TULP3: variants seen among roughly 807,000 people sequenced by gnomAD.
The protein encoded by TULP3 is tubby-related protein 3.
Under a neutral mutation model 50.7 loss-of-function variants are expected in TULP3, and 38 were observed. The observed-to-expected ratio is 0.75, with a 90% CI of 0.58 to 0.98. The LOEUF (loss-of-function observed/expected upper bound fraction) is 0.98. Among genes scored for constraint, TULP3 ranks in the 50% least tolerant of loss-of-function variants. The probability of loss-of-function intolerance (pLI) is 0.00; values close to 1 mark genes in which losing one functional copy is unlikely to be tolerated. For synonymous variants in TULP3, 183 were observed against 196.6 expected (o/e 0.93, Z 0.58); for missense variants, 550 against 568.0 (o/e 0.97, Z 0.32).
chr12:2,910,897 T>C (rs1229460392), intron 2 of TULP3, among the ~76,000 whole-genome samples: 2 of 152,176 alleles, frequency 1.3e-5, no homozygotes, highest in Non-Finnish European at 2.9e-5. Flanking sequence ...GCAGAGCAAA[T>C]TGTATTTAGG....
At chr12:2,921,263 C>T (rs1372266976) in intron 3 of TULP3, among the ~76,000 whole-genome samples, 1 of 152,122 alleles carries the variant, frequency 6.6e-6, no homozygotes, top group Non-Finnish European at 1.5e-5. Context: ...CCTCAACTTC[C>T]CGAGTAGCTG....
At chr12:2,894,138 CTG>C (rs901063757) in intron 1 of TULP3, among the ~76,000 whole-genome samples, 7 of 152,102 alleles carry the variant, frequency 4.6e-5, no homozygotes, top group Non-Finnish European at 1.0e-4. Flanking sequence ...GTGCTTCCCA[CTG>C]TGGTGTGACC....
rs1242162221 is a variant in TULP3, at chr12:2,909,558, G to A, written c.71G>A (p.Arg24Gln). The change falls in exon 2 of 11, where the codon CGA becomes CAA. Residue 24 changes from arginine (R) to glutamine (Q), a missense_variant. Arg to Gln is a conservative substitution (Grantham distance 43). Coordinates refer to ENST00000448120, the MANE Select transcript of TULP3 (RefSeq NM_003324.5). ...TTCCATGAAGAAATGATGAAGATGC[G>A]ACAGGCTAAGCTGGATTATCAGGTG... Reference protein sequence around the residue: ...SVFHEEMMKMRQAKLDYQRLL... With the variant: ...SVFHEEMMKMQQAKLDYQRLL... The A allele has an allele frequency of 5.1e-6, 8 of 1,574,186 alleles. No homozygotes were observed. Among genetic ancestry groups the A allele is most frequent in the South Asian group, 2.4e-5 (2 of 84,316 alleles).
At chr12:2,930,908 T>C (rs1257569740) in intron 5 of TULP3, 129 bp from the exon 6 acceptor site, 1 of 1,004,536 alleles carries the variant, frequency 1.0e-6, no homozygotes, top group East Asian at 2.4e-5. Context: ...CTTTTCAGTT[T>C]TCCTCATTCT....
intron 1 of TULP3, among the ~76,000 whole-genome samples, chr12:2,907,305 G>A (rs751435263): frequency 5.3e-5 from 8 of 151,820 alleles, no homozygotes; most frequent in South Asian, 2.1e-4. Context: ...GTGAAACCCC[G>A]TCTACTAAAA....
intron 2 of TULP3, among the ~76,000 whole-genome samples, chr12:2,918,480 A>G (rs186912730): frequency 2.0e-5 from 3 of 152,296 alleles, no homozygotes; most frequent in African/African-American, 7.2e-5. Context: ...CTGTGGCCAC[A>G]TAGATAAGAT....
At chr12:2,892,718 G>A (rs950480038) in intron 1 of TULP3, among the ~76,000 whole-genome samples, 1 of 151,984 alleles carries the variant, frequency 6.6e-6, no homozygotes, top group Non-Finnish European at 1.5e-5. Flanking sequence ...CACCATGTTG[G>A]CCAAGATGGT....
intron 2 of TULP3, among the ~76,000 whole-genome samples, chr12:2,915,806 A>G (rs1043779788): frequency 6.6e-6 from 1 of 151,148 alleles, no homozygotes; most frequent in African/African-American, 2.4e-5. Flanking sequence ...AGCCTCCCAA[A>G]GTGCTGCGAT....
intron 6 of TULP3, among the ~76,000 whole-genome samples, chr12:2,932,115 C>T (rs1000090821): frequency 6.6e-5 from 10 of 152,230 alleles, no homozygotes; most frequent in African/African-American, 2.4e-4. Context: ...GTATTCATGC[C>T]ATTGAGGTCA....
At chr12:2,938,038 A>C in intron 9 of TULP3, 76 bp from the exon 10 acceptor site, 1 of 1,467,442 alleles carries the variant, frequency 6.8e-7, no homozygotes, top group Non-Finnish European at 9.3e-7. Context: ...AAATGGAGAA[A>C]GTATTCTCCT....
rs1345174501 is a variant in TULP3, at chr12:2,914,958, G to A, written c.93+5378G>A. Among the ~76,000 whole-genome samples, 4 of 151,094 alleles carry A rather than the reference G, an allele frequency of 2.6e-5. No homozygotes were observed. In the East Asian group the frequency reaches 5.9e-4, roughly 22 times the overall value. On this transcript the variant is annotated intron_variant, in intron 2 of 10. Transcript: ENST00000448120. ...AGATACTCGTTTTCAGGGTATGTGG[G>A]CACCTTAGCAAGCTGCAGAATGGAT...
intron 4 of TULP3, among the ~76,000 whole-genome samples, chr12:2,926,289 C>G (rs2153949904): frequency 6.6e-6 from 1 of 151,806 alleles, no homozygotes; most frequent in Non-Finnish European, 1.5e-5. Flanking sequence ...CGCTTGAGCC[C>G]AGGAGTTTGA....
rs116585026 is a variant in TULP3 at position 2,930,430 on chromosome 12, T to G, written c.492+85T>G. 3,241 of 939,818 alleles carry G rather than the reference T, an allele frequency of 3.4e-3. 78 individuals carry two copies. The African/African-American group carries it at 0.048, about 14-fold the overall frequency. The allele number at this position is 939,818 out of a possible 1,614,324, so 58.2% of individuals were successfully genotyped here. A position where few individuals can be genotyped will look rare whatever the true frequency, so the allele number is the denominator to read the frequency against. On this transcript the variant is annotated intron_variant, in intron 5 of 10. Transcript: ENST00000448120. ...TCAGTATTTATTTATTTATTATTAT[T>G]ATGTATTTTTTGAGGTGGAGTCTCG...
At chr12:2,938,716 G>A (rs774945116) in intron 10 of TULP3, among the ~76,000 whole-genome samples, 3 of 152,014 alleles carry the variant, frequency 2.0e-5, no homozygotes, top group South Asian at 2.1e-4. Flanking sequence ...CCAGGAGGTC[G>A]AGGCTGCAGT....
At chr12:2,896,856 CG>C (rs2098175825) in intron 1 of TULP3, among the ~76,000 whole-genome samples, 2 of 151,946 alleles carry the variant, frequency 1.3e-5, no homozygotes, top group African/African-American at 4.8e-5. Flanking sequence ...TCAAGGTTAT[CG>C]TGAAAATTAT....
chr12:2,909,471 G>A (rs2153948796), intron 1 of TULP3, 58 bp from the exon 2 acceptor site: 1 of 1,500,476 alleles, frequency 6.7e-7, no homozygotes, highest in East Asian at 2.3e-5. Flanking sequence ...ATAAAAAGAT[G>A]AAATTGACAA....
At chr12:2,905,760 A>G (rs1402969899) in intron 1 of TULP3, among the ~76,000 whole-genome samples, 1 of 151,850 alleles carries the variant, frequency 6.6e-6, no homozygotes, top group Non-Finnish European at 1.5e-5. Flanking sequence ...TGTTTTTTTC[A>G]CTATTTGAGG....
chr12:2,911,663 C>CTTTTTTTTTTTTTTT (rs2098185698), intron 2 of TULP3, among the ~76,000 whole-genome samples: 1 of 46,436 alleles, frequency 2.2e-5, no homozygotes, highest in East Asian at 5.3e-4. Flanking sequence ...CTGCGCCCAG[C>CTTTTTTTTTTTTTTT]CTTTTTTTTT....
Position 2,912,774 on chromosome 12 carries a change from A to G in TULP3, c.93+3194A>G, listed in dbSNP as rs371210894. ...GTTTGCGATCGGGACATAGCTTGGT[A>G]TATTCGAAATCAGAGCAGGTAGAGT... On this transcript the variant is annotated intron_variant, in intron 2 of 10. Coordinates refer to ENST00000448120, the MANE Select transcript of TULP3 (RefSeq NM_003324.5). Among the ~76,000 whole-genome samples, 54 of 152,310 alleles carry G rather than the reference A, an allele frequency of 3.5e-4. No individual in the cohort carries two copies. The East Asian group carries it at 5.0e-3, about 14-fold the overall frequency.
Sources: gnomAD v4.1 joint callset for allele counts (sites outside exome capture counted in the v4.1 genomes callset) on GRCh38, gnomAD v4.1.1 for gene constraint, MANE v1.5 for transcripts, NCBI Gene and HGNC (gene_info 2026-07-23, HGNC 2026-07-21) for gene names.